ANO5: variants seen among roughly 807,000 people sequenced by gnomAD.
ANO5 encodes the protein anoctamin 5, also known as anoctamin-5.
ANO5 carries 109 observed loss-of-function variants against 121.0 expected under a neutral mutation model. The ratio of observed to expected loss-of-function variants is 0.90; its 90% CI spans 0.77 to 1.06. The LOEUF (loss-of-function observed/expected upper bound fraction) is 1.06, where lower values mean the gene tolerates loss of function less well. Among genes scored for constraint, ANO5 ranks in the 50% least tolerant of loss-of-function variants. The probability of loss-of-function intolerance (pLI) is 0.00; values close to 1 mark genes in which losing one functional copy is unlikely to be tolerated. For missense variants in ANO5, 1,064 were observed against 1,078.5 expected (o/e 0.99, Z 0.19); for synonymous variants, 406 against 359.9 (o/e 1.13, Z -1.45).
Position 22,276,214 on chromosome 11 carries a change from AC to A in ANO5, c.2520+16del, listed in dbSNP as rs1388304749. On this transcript the variant is annotated intron_variant, in intron 21 of 21. Coordinates refer to ENST00000324559, the MANE Select transcript of ANO5 (RefSeq NM_213599.3). ...TTGTTATGGAAGTAAGCTGTTCTTA[AC>A]TTTCATTCGAGTTACTCTCTTCTCT... 4 of 1,584,184 alleles carry A rather than the reference AC, an allele frequency of 2.5e-6. No homozygotes were observed. The highest frequency in any genetic ancestry group is 1.7e-4 in the Middle Eastern group (1 of 6,020).
intron 4 of ANO5, among the ~76,000 whole-genome samples, chr11:22,220,851 C>T (rs1852617757): frequency 6.6e-6 from 1 of 151,820 alleles, no homozygotes; most frequent in Non-Finnish European, 1.5e-5. Context: ...ATATTCATTT[C>T]ATATTTTGGT....
At position 22,226,658 on chromosome 11, in the gene ANO5, C is replaced by G. The variant is rs146013494; in HGVS notation, c.363+606C>G. 6.2e-3 allele frequency among the ~76,000 whole-genome samples: 946 copies of G among 152,182 alleles called. 8 individuals carry two copies. Among genetic ancestry groups the G allele is most frequent in the Admixed American group, 6.9e-3 (105 of 15,274 alleles). ...GAGGATTGCTGGAGCCCAGGAGTTT[C>G]ATGGTTGTGCTGCTGCACTCCAGCC... On this transcript the variant is annotated intron_variant, in intron 6 of 21. Coordinates refer to ENST00000324559, the MANE Select transcript of ANO5 (RefSeq NM_213599.3).
chr11:22,199,901 A>G (rs1851915584), intron 1 of ANO5, among the ~76,000 whole-genome samples: 1 of 152,174 alleles, frequency 6.6e-6, no homozygotes, highest in African/African-American at 2.4e-5. Flanking sequence ...CTTTAAAGTT[A>G]GATATAATGT....
At chr11:22,264,875 A>G (rs1854309904) in intron 17 of ANO5, among the ~76,000 whole-genome samples, 2 of 152,170 alleles carry the variant, frequency 1.3e-5, no homozygotes, top group Non-Finnish European at 2.9e-5. Context: ...TGAAGAATGT[A>G]TTAGTGAATT....
intron 3 of ANO5, among the ~76,000 whole-genome samples, chr11:22,211,972 T>C (rs1292662396): frequency 7.4e-6 from 1 of 136,052 alleles, no homozygotes; most frequent in Non-Finnish European, 1.6e-5. Flanking sequence ...AAATGTTTTG[T>C]TTTCTTTTTA....
At chr11:22,278,011 A>G (rs1854930549) in intron 21 of ANO5, 1 of 151,738 alleles carries the variant, frequency 6.6e-6, no homozygotes, top group South Asian at 2.1e-4. Context: ...AATAGAATGT[A>G]TAATTAAAAG....
chr11:22,262,907 T>C (rs747163801), intron 16 of ANO5, 39 bp from the exon 17 acceptor site: 1 of 1,471,770 alleles, frequency 6.8e-7, no homozygotes, highest in Admixed American at 1.7e-5. Context: ...CCATCTTTGA[T>C]CATTCAATTC....
In ANO5 at chr11:22,270,325, T is replaced by C; in HGVS notation, c.1912T>C (p.Trp638Arg). Reference sequence around the variant, plus strand: ...CACTTCCAACAGCTTGGCTTTGAATTGGTGGAGACGCCGAAAAGCTCGGAC... The same window carrying C: ...CACTTCCAACAGCTTGGCTTTGAATCGGTGGAGACGCCGAAAAGCTCGGAC... ...KEAIYPLALNWWRRRKARTNS... is the reference protein window; with the variant it reads ...KEAIYPLALNRWRRRKARTNS... The change falls in exon 18 of 22, where the codon TGG (tryptophan) becomes CGG (arginine). Residue 638 changes from tryptophan to arginine, a missense_variant. Physicochemically the swap from Trp to Arg is moderately radical, Grantham distance 101. Transcript: ENST00000324559. 6.2e-7 allele frequency: 1 copy of C among 1,614,142 alleles called. No homozygotes were observed. The highest frequency in any genetic ancestry group is 8.5e-7 in the Non-Finnish European group (1 of 1,180,004).
rs562195789 is a variant in ANO5, at chr11:22,246,805, G to A, written c.879-3432G>A. 2.5e-4 allele frequency among the ~76,000 whole-genome samples: 34 copies of A among 136,738 alleles called. No individual in the cohort carries two copies. In the South Asian group the frequency reaches 7.2e-3, roughly 29 times the overall value. 89.7% of individuals were successfully genotyped at this position (136,738 alleles called of 152,430 possible). A position where few individuals can be genotyped will look rare whatever the true frequency, so the allele number is the denominator to read the frequency against. On this transcript the variant is annotated intron_variant, in intron 9 of 21. Transcript: ENST00000324559. ...TGGGAAACAGAGGTTGCGATGAGCC[G>A]AGATCGCACCACTACCCTACAACCT...
At chr11:22,201,905 A>G (rs1851976112) in intron 1 of ANO5, among the ~76,000 whole-genome samples, 1 of 152,136 alleles carries the variant, frequency 6.6e-6, no homozygotes. Context: ...AATTCAATCC[A>G]TAGCAGAGAG....
chr11:22,273,145 A>T (rs1854691215), intron 19 of ANO5, among the ~76,000 whole-genome samples, 156 bp downstream of exon 19: 1 of 152,152 alleles, frequency 6.6e-6, no homozygotes, highest in Non-Finnish European at 1.5e-5. Flanking sequence ...ATATAGAAAA[A>T]CCTATGTCAT....
intron 15 of ANO5, 112 bp from the exon 16 acceptor site, chr11:22,262,017 C>A (rs1229371634): frequency 3.0e-6 from 3 of 990,762 alleles, no homozygotes; most frequent in Admixed American, 4.1e-5. Flanking sequence ...GAATGGGGAG[C>A]ATTCTATAGG....
intron 17 of ANO5, among the ~76,000 whole-genome samples, chr11:22,264,478 A>G (rs1854298437): frequency 6.6e-6 from 1 of 152,004 alleles, no homozygotes; most frequent in Admixed American, 6.6e-5. Flanking sequence ...AAAATTTTAA[A>G]AAAAAAACAA....
At chr11:22,241,153 G>T (rs955682696) in intron 9 of ANO5, among the ~76,000 whole-genome samples, 1 of 145,424 alleles carries the variant, frequency 6.9e-6, no homozygotes, top group Non-Finnish European at 1.5e-5. Context: ...AACAAATAGG[G>T]AGTTTTTTAA....
In ANO5 at chr11:22,231,447, C is replaced by T. The variant is rs183568548; in HGVS notation, c.648+3861C>T. On this transcript the variant is annotated intron_variant, in intron 7 of 21. Coordinates refer to ENST00000324559, the MANE Select transcript of ANO5 (RefSeq NM_213599.3). Reference sequence around the variant, plus strand: ...AAATGAAAAGATAAGTTATATTAATCCCCATTTTACTTATTTTTCAGTGGA... The same window carrying T: ...AAATGAAAAGATAAGTTATATTAATTCCCATTTTACTTATTTTTCAGTGGA... 6.8e-3 allele frequency among the ~76,000 whole-genome samples: 1,026 copies of T among 151,876 alleles called. 12 individuals are homozygous for T. Among genetic ancestry groups the T allele is most frequent in the African/African-American group, 0.023 (970 of 41,452 alleles).
At chr11:22,276,270 C>A (rs1203432243) in intron 21 of ANO5, 71 bp downstream of exon 21, 7 of 1,271,604 alleles carry the variant, frequency 5.5e-6, no homozygotes, top group Non-Finnish European at 8.0e-6. Context: ...AAGGTAACCT[C>A]TCATCAGAAA....
chr11:22,269,815 TA>T (rs1239012064), intron 17 of ANO5, among the ~76,000 whole-genome samples: 2 of 152,180 alleles, frequency 1.3e-5, no homozygotes, highest in Admixed American at 6.5e-5. Context: ...AGCCTCTTTT[TA>T]AAAAAAGTGG....
intron 9 of ANO5, among the ~76,000 whole-genome samples, chr11:22,246,856 C>CAAAAAAAAAAAAAAAAAAAA (rs10565920): frequency 1.6e-5 from 1 of 62,212 alleles, no homozygotes; most frequent in Non-Finnish European, 3.5e-5. Context: ...GACCCTGTTT[C>CAAAAAAAAAAAAAAAAAAAA]AAAAAAAAAA....
chr11:22,221,996 A>G (rs1424849851), intron 5 of ANO5, among the ~76,000 whole-genome samples: 4 of 151,866 alleles, frequency 2.6e-5, no homozygotes, highest in Non-Finnish European at 5.9e-5. Flanking sequence ...GAAATTCATG[A>G]CCCATCATCA....
Sources: allele counts gnomAD v4.1 joint callset (sites outside exome capture counted in the v4.1 genomes callset), GRCh38; gene constraint gnomAD v4.1.1; transcripts MANE v1.5; gene names NCBI Gene and HGNC (gene_info 2026-07-23, HGNC 2026-07-21).